STXBP2: variants seen among roughly 807,000 people sequenced by gnomAD.
STXBP2 encodes the protein syntaxin binding protein 2.
Under a neutral mutation model 72.2 loss-of-function variants are expected in STXBP2, and 47 were observed. The ratio of observed to expected loss-of-function variants is 0.65; its 90% confidence interval spans 0.51 to 0.83. The LOEUF (loss-of-function observed/expected upper bound fraction) is 0.83. Among genes scored for constraint, STXBP2 ranks in the 40% least tolerant of loss-of-function variants. STXBP2 has a pLI of 0.00. For missense variants in STXBP2, 702 were observed against 807.6 expected, an observed-to-expected ratio of 0.87 and a Z score of 1.58; for synonymous variants, 367 against 338.7, an observed-to-expected ratio of 1.08 and a Z score of -0.92.
chr19:7,631,088 A>C, the STXBP2 span: 1 of 741,466 alleles, frequency 1.3e-6, no homozygotes, highest in East Asian at 2.8e-5. Flanking sequence ...GGCGCCTATA[A>C]TTCCAGCTGC....
In STXBP2 at chr19:7,647,235, A is replaced by G. The variant is rs766880930; in HGVS notation, c.1526A>G (p.Gln509Arg). Reference sequence around the variant, plus strand: ...GACCCCGCCCCCACGGCCAGCTCCCAGGCCGCTGTCAGGTGAGGCCCCGGG... The same window carrying G: ...GACCCCGCCCCCACGGCCAGCTCCCGGGCCGCTGTCAGGTGAGGCCCCGGG... The part of the protein sequence containing the change: ...VSDPAPTASS[Q>R]AAVSARFGHW... The change falls in exon 17 of 19, where the codon CAG becomes CGG. Residue 509 changes from glutamine to arginine, a missense_variant. Coordinates refer to ENST00000221283, the MANE Select transcript of STXBP2 (RefSeq NM_006949.4). 3.1e-6 allele frequency: 5 copies of G among 1,611,088 alleles called. No individual in the cohort carries two copies. The highest frequency in any genetic ancestry group is 4.2e-6 in the Non-Finnish European group (5 of 1,179,574).
rs771167983 is a variant in STXBP2 at position 7,642,549 on chromosome 19, G to A, written c.902+13G>A. 19 of 1,611,986 alleles carry A rather than the reference G, an allele frequency of 1.2e-5. No individual in the cohort carries two copies. Among genetic ancestry groups the A allele is most frequent in the Middle Eastern group, 1.6e-4 (1 of 6,078 alleles). Reference sequence around the variant, plus strand: ...CAGATGTGTCCAAGTGCGTGCACACGGGGACCGGATCCCCCCCCCACCGCC... The same window carrying A: ...CAGATGTGTCCAAGTGCGTGCACACAGGGACCGGATCCCCCCCCCACCGCC... On this transcript the variant is annotated intron_variant, in intron 10 of 18. Transcript: ENST00000221283. The surrounding 1 kb of genome is among the most constrained non-coding windows in gnomAD (Gnocchi z 6.0).
chr19:7,631,627 T>C, the STXBP2 span: 11 of 1,465,460 alleles, frequency 7.5e-6, no homozygotes, highest in East Asian at 2.9e-4. Context: ...GTTATTCATT[T>C]AAGTGTTTTA....
At chr19:7,641,072 A>G in intron 6 of STXBP2, 69 bp downstream of exon 6, 1 of 1,519,068 alleles carries the variant, frequency 6.6e-7, no homozygotes, top group Non-Finnish European at 9.1e-7. Flanking sequence ...TCCCTCAGAA[A>G]CAGACACTGA....
At chr19:7,646,600 T>G in intron 16 of STXBP2, 9 of 556,950 alleles carry the variant, frequency 1.6e-5, no homozygotes, top group East Asian at 3.2e-5. Context: ...CTCTAGTCTG[T>G]TCCCCTGTCC....
Position 7,642,748 on chromosome 19 carries a change from G to T in STXBP2, c.903-18G>T, listed in dbSNP as rs202217724. ...CTCCTCTCCCCTCACTCTCACCCCC[G>T]CCCACCCTCATGGCCAGGAAGGTCA... On this transcript the variant is annotated intron_variant, in intron 10 of 18. Coordinates refer to ENST00000221283, the MANE Select transcript of STXBP2 (RefSeq NM_006949.4). The surrounding 1 kb of genome is among the most constrained non-coding windows in gnomAD (Gnocchi z 6.0). 1 of 1,610,250 alleles carries T rather than the reference G, an allele frequency of 6.2e-7. No homozygotes were observed. Among genetic ancestry groups the T allele is most frequent in the Non-Finnish European group, 8.5e-7 (1 of 1,178,946 alleles).
chr19:7,630,031 G>T, the STXBP2 span: 9 of 825,624 alleles, frequency 1.1e-5, no homozygotes, highest in Non-Finnish European at 1.6e-5. Flanking sequence ...ACGCTGGGCT[G>T]GGGGGGTTCT....
At chr19:7,631,637 A>C in the STXBP2 span, 1 of 1,453,604 alleles carries the variant, frequency 6.9e-7, no homozygotes, top group Non-Finnish European at 9.1e-7. Context: ...TAAGTGTTTT[A>C]TTCTTTTATC....
Position 7,645,300 on chromosome 19 carries a change from C to A in STXBP2, c.1350C>A (p.Asn450Lys), listed in dbSNP as rs1440643694. ...AGCAGCTGGGAGGCACTGTCACCAACCCCGGGGTACGCCAGGAGCGGGCAT... is the reference window on the plus strand; with the variant it reads ...AGCAGCTGGGAGGCACTGTCACCAAACCCGGGGTACGCCAGGAGCGGGCAT... ...NLEQLGGTVT[N>K]PGGSGTSSRL... Residue 450 changes from asparagine to lysine, a missense_variant, in exon 15 of 19, where the codon AAC becomes AAA. Asn to Lys is a moderately conservative substitution (Grantham distance 94, BLOSUM62 0). Transcript: ENST00000221283. The A allele has an allele frequency of 1.9e-6, 3 of 1,581,960 alleles. No individual in the cohort carries two copies. Among genetic ancestry groups the A allele is most frequent in the East Asian group, 2.3e-5 (1 of 43,348 alleles).
chr19:7,630,520 C>T, the STXBP2 span: 1 of 1,397,582 alleles, frequency 7.2e-7, no homozygotes, highest in Non-Finnish European at 9.8e-7. Flanking sequence ...CTCTGAGGAG[C>T]CTCTGCACAT....
At chr19:7,647,111 C>T (rs1240905618) in intron 16 of STXBP2, 51 bp from the exon 17 acceptor site, 1 of 1,597,962 alleles carries the variant, frequency 6.3e-7, no homozygotes, top group African/African-American at 1.3e-5. Flanking sequence ...CACTCCTGAC[C>T]CCGGACCCCA....
intron 3 of STXBP2, chr19:7,639,489 A>G (rs1360168366): frequency 3.4e-6 from 2 of 595,280 alleles, no homozygotes; most frequent in Non-Finnish European, 6.0e-6. Context: ...GTGCTGAGGG[A>G]GCCTGTCCTC....
At position 7,642,127 on chromosome 19, in the gene STXBP2, G is replaced by T. The variant is rs761484606; in HGVS notation, c.663+9G>T. On this transcript the variant is annotated intron_variant, in intron 8 of 18. Transcript: ENST00000221283. The surrounding 1 kb of genome is among the most constrained non-coding windows in gnomAD (Gnocchi z 6.0). ...CTCCCAGTCTGGGCGAGGTGAGGGG[G>T]CGTGCTTGGGAGGTGAGGGGCAGCC... is the stretch of plus-strand genomic sequence containing the variant. The T allele has an allele frequency of 2.5e-6, 4 of 1,614,052 alleles. No homozygotes were observed. The East Asian group carries it at 6.7e-5, about 27-fold the overall frequency.
the STXBP2 span, chr19:7,630,021 A>C: frequency 4.4e-5 from 28 of 633,348 alleles, no homozygotes; most frequent in Middle Eastern, 4.4e-4. Context: ...AGGAGAGGGG[A>C]CGCTGGGCTG....
At chr19:7,637,067 G>T, upstream of STXBP2, 1 of 1,225,090 alleles carries the variant, frequency 8.2e-7, no homozygotes, top group Non-Finnish European at 1.0e-6. Context: ...GGCCCGCGGG[G>T]CGGGGTCCAC....
At chr19:7,639,700 C>T in intron 3 of STXBP2, 31 bp from the exon 4 acceptor site, 3 of 1,609,300 alleles carry the variant, frequency 1.9e-6, no homozygotes, top group Non-Finnish European at 2.5e-6. Context: ...TGGATGCCAC[C>T]CACCTGTGTC....
At chr19:7,644,294 G>A in intron 13 of STXBP2, 1 of 373,604 alleles carries the variant, frequency 2.7e-6, no homozygotes, top group Non-Finnish European at 4.9e-6. Flanking sequence ...GCCTCGGAGA[G>A]CTGGGACCTG....
At chr19:7,638,684 C>T in intron 1 of STXBP2, 42 bp from the exon 2 acceptor site, 1 of 1,611,090 alleles carries the variant, frequency 6.2e-7, no homozygotes, top group East Asian at 2.2e-5. Context: ...GTGGTGGGAC[C>T]AGAGAACCAG....
intron 16 of STXBP2, 88 bp from the exon 17 acceptor site, chr19:7,647,074 C>T (rs2032163627): frequency 7.1e-7 from 1 of 1,405,172 alleles, no homozygotes; most frequent in South Asian, 1.2e-5. Context: ...CTGCCAGGAT[C>T]TTGGCCCCTG....
Sources: gnomAD v4.1 joint callset for allele counts on GRCh38, gnomAD v4.1.1 for gene constraint, Gnocchi (gnomAD v3.1) non-coding constraint, MANE v1.5 for transcripts, NCBI Gene and HGNC (gene_info 2026-07-23, HGNC 2026-07-21) for gene names.